NR3C2: variants seen among roughly 807,000 people sequenced by gnomAD.
NR3C2 encodes the protein nuclear receptor subfamily 3 group C member 2, also known as mineralocorticoid receptor.
In NR3C2, 15 loss-of-function variants were observed where a neutral mutation model predicts 86.4. The observed-to-expected ratio is 0.17, with a 90% CI of 0.12 to 0.27. NR3C2 has a LOEUF of 0.27. NR3C2 is among the 10% of genes least tolerant of loss of function. The pLI, the probability that NR3C2 is intolerant of heterozygous loss-of-function variation, is 1.00. For synonymous variants in NR3C2, 458 were observed against 450.5 expected (o/e 1.02, Z -0.21); for missense variants, 960 against 1,195.6 (o/e 0.80, Z 2.91).
At chr4:148,373,659 G>T (rs1352380924) in intron 2 of NR3C2, among the ~76,000 whole-genome samples, 2 of 151,710 alleles carry the variant, frequency 1.3e-5, no homozygotes, top group South Asian at 4.2e-4. Flanking sequence ...TATTTTTTTA[G>T]TAGAGATGGG....
intron 6 of NR3C2, 56 bp from the exon 7 acceptor site, chr4:148,120,344 A>T: frequency 6.2e-7 from 1 of 1,610,256 alleles, no homozygotes; most frequent in African/African-American, 1.3e-5. Flanking sequence ...TCAAACCCAG[A>T]CTGGCAGCCT....
intron 2 of NR3C2, among the ~76,000 whole-genome samples, chr4:148,340,350 T>C (rs1309996248): frequency 1.3e-5 from 2 of 152,038 alleles, no homozygotes; most frequent in African/African-American, 4.8e-5. Flanking sequence ...CTAACTCACT[T>C]TTGGACAAAG....
At chr4:148,084,730 A>G (rs1212983966) in intron 8 of NR3C2, among the ~76,000 whole-genome samples, 2 of 152,232 alleles carry the variant, frequency 1.3e-5, no homozygotes, top group African/African-American at 4.8e-5. Context: ...AATTCAATCA[A>G]GAGTCAAAAT....
At chr4:148,401,919 T>C (rs1748188766) in intron 2 of NR3C2, among the ~76,000 whole-genome samples, 1 of 152,040 alleles carries the variant, frequency 6.6e-6, no homozygotes, top group African/African-American at 2.4e-5. Context: ...TTTTCATGAG[T>C]CAAAACCAAA....
intron 6 of NR3C2, among the ~76,000 whole-genome samples, chr4:148,139,904 A>T (rs1349360904): frequency 6.6e-6 from 1 of 152,192 alleles, no homozygotes; most frequent in East Asian, 1.9e-4. Context: ...ATAAAACCAA[A>T]ATCATCTCTC....
chr4:148,271,871 G>C (rs531716620), intron 2 of NR3C2, among the ~76,000 whole-genome samples: 18 of 152,292 alleles, frequency 1.2e-4, no homozygotes, highest in African/African-American at 4.3e-4. Context: ...CTTCTTTCTA[G>C]CTCATTCATT....
chr4:148,442,774 G>A, upstream of NR3C2: 1 of 985,422 alleles, frequency 1.0e-6, no homozygotes, highest in South Asian at 4.7e-5. Context: ...GGCTACATCA[G>A]GCGGCCTCCG....
chr4:148,429,164 TC>T (rs1749686690), intron 2 of NR3C2, among the ~76,000 whole-genome samples: 1 of 151,926 alleles, frequency 6.6e-6, no homozygotes, highest in Admixed American at 6.6e-5. Flanking sequence ...ATCCCCCACC[TC>T]CCCATTTTCC....
intron 6 of NR3C2, among the ~76,000 whole-genome samples, chr4:148,132,112 T>A (rs1055527868): frequency 6.6e-6 from 1 of 152,226 alleles, no homozygotes; most frequent in African/African-American, 2.4e-5. Flanking sequence ...CAAGGATATA[T>A]GTCTTTAGTG....
At chr4:148,324,492 G>T (rs1743849670) in intron 2 of NR3C2, among the ~76,000 whole-genome samples, 3 of 152,060 alleles carry the variant, frequency 2.0e-5, no homozygotes, top group East Asian at 1.9e-4. Context: ...ACTCAGAGAG[G>T]CAGAGAGTAG....
chr4:148,141,101 T>C (rs576234544), intron 6 of NR3C2, among the ~76,000 whole-genome samples: 14 of 152,268 alleles, frequency 9.2e-5, no homozygotes, highest in African/African-American at 3.4e-4. Context: ...AAAGAGCACA[T>C]ATTAACAAAC....
intron 6 of NR3C2, among the ~76,000 whole-genome samples, chr4:148,136,292 A>G (rs1344103250): frequency 6.6e-6 from 1 of 151,710 alleles, no homozygotes; most frequent in Non-Finnish European, 1.5e-5. Flanking sequence ...AGGAAGGGAA[A>G]GAGAAAGGGT....
intron 2 of NR3C2, among the ~76,000 whole-genome samples, chr4:148,365,645 TAATA>T (rs1746077104): frequency 6.6e-6 from 1 of 152,210 alleles, no homozygotes; most frequent in African/African-American, 2.4e-5. Context: ...CAGCTGTAAT[TAATA>T]AATACTGTAA....
chr4:148,436,880 A>AT lies in NR3C2; in HGVS notation c.-2-19dup. The AT allele has an allele frequency of 6.4e-7, 1 of 1,570,464 alleles. No homozygotes were observed. Among genetic ancestry groups the AT allele is most frequent in the Non-Finnish European group, 8.6e-7 (1 of 1,156,914 alleles). ...CTCCATCGCTAACAAATAAATTTAC[A>AT]TTAAAAAATTAGAGTCAGTTATAGC... is the stretch of plus-strand genomic sequence containing the variant. On this transcript the variant is annotated intron_variant, in intron 1 of 8. Coordinates refer to ENST00000358102, the MANE Select transcript of NR3C2 (RefSeq NM_000901.5).
At chr4:148,403,597 T>A (rs1748271950) in intron 2 of NR3C2, among the ~76,000 whole-genome samples, 1 of 152,084 alleles carries the variant, frequency 6.6e-6, no homozygotes, top group South Asian at 2.1e-4. Context: ...AGAAAATACA[T>A]TTCTATGCAG....
intron 8 of NR3C2, among the ~76,000 whole-genome samples, chr4:148,097,746 T>G (rs1436095933): frequency 8.8e-6 from 1 of 113,634 alleles, no homozygotes; most frequent in Non-Finnish European, 1.6e-5. Context: ...TTTGCGTTTT[T>G]TTTTGTTTTT....
At chr4:148,188,130 G>A (rs921847209) in intron 4 of NR3C2, among the ~76,000 whole-genome samples, 2 of 152,190 alleles carry the variant, frequency 1.3e-5, no homozygotes, top group Non-Finnish European at 2.9e-5. Context: ...TTACAGTATA[G>A]TTTGAAATCA....
intron 2 of NR3C2, among the ~76,000 whole-genome samples, chr4:148,405,516 T>G (rs752075673): frequency 4.5e-4 from 68 of 152,190 alleles, no homozygotes; most frequent in Admixed American, 3.7e-3. Context: ...AGTTACCAAG[T>G]TGAAAAAAAT....
At chr4:148,207,072 C>T (rs181861380) in intron 3 of NR3C2, among the ~76,000 whole-genome samples, 3 of 152,186 alleles carry the variant, frequency 2.0e-5, no homozygotes, top group East Asian at 1.9e-4. Context: ...CAGGTGCATG[C>T]GCCCATGCCT....
Sources: gnomAD v4.1 joint callset for allele counts (sites outside exome capture counted in the v4.1 genomes callset) on GRCh38, gnomAD v4.1.1 for gene constraint, MANE v1.5 for transcripts, NCBI Gene and HGNC (gene_info 2026-07-23, HGNC 2026-07-21) for gene names.